The following MCTS1 variants were observed in gnomAD, a reference collection of about 807,000 sequenced individuals.
MCTS1 encodes the protein malignant T-cell-amplified sequence 1.
For synonymous variants in MCTS1, 26 were observed against 40.8 expected (o/e 0.64, Z 1.38); for missense variants, 55 against 128.6 (o/e 0.43, Z 2.77).
intron 2 of MCTS1, 94 bp downstream of exon 2, chrX:120,605,653 A>G (rs554502543): frequency 2.3e-6 from 2 of 865,996 alleles, no homozygotes. Context: ...TTTCAGATTA[A>G]CTATTGATAG....
chrX:120,606,252 A>G (rs1223664035), intron 3 of MCTS1, 76 bp downstream of exon 3: 1 of 567,718 alleles, frequency 1.8e-6, no homozygotes, highest in African/African-American at 2.4e-5. Flanking sequence ...TGTAAGAAAT[A>G]TGCATTTAAT....
intron 4 of MCTS1, 100 bp from the exon 5 acceptor site, chrX:120,610,911 G>C (rs1926670634): frequency 1.1e-6 from 1 of 881,236 alleles, no homozygotes; most frequent in African/African-American, 1.9e-5. Flanking sequence ...GGGGTTCCAA[G>C]TGGCTTAACT....
intron 4 of MCTS1, 32 bp from the exon 5 acceptor site, chrX:120,610,979 G>A (rs752309654): frequency 3.3e-6 from 4 of 1,201,822 alleles, no homozygotes; most frequent in Non-Finnish European, 4.5e-6. Context: ...AAGGCATTTT[G>A]ATAAATAGTT....
Position 120,614,477 on chromosome X carries a change from A to T in MCTS1, c.*2213A>T, listed in dbSNP as rs1038985382. 1.8e-5 allele frequency among the ~76,000 whole-genome samples: 2 copies of T among 111,802 alleles called. No individual in the cohort carries two copies. The highest frequency in any genetic ancestry group is 3.8e-5 in the Non-Finnish European group (2 of 53,168). On this transcript the variant is annotated 3_prime_UTR_variant, in exon 6 of 6. Transcript: ENST00000371317. ...TATTTTATTTCCTATATCCTTTTCA[A>T]GTTCCATGTAGTTTTCCTTATGTTA...
At chrX:120,605,376 C>T (rs1360436580) in intron 1 of MCTS1, 31 bp from the exon 2 acceptor site, 2 of 1,142,601 alleles carry the variant, frequency 1.8e-6, no homozygotes, top group Non-Finnish European at 2.3e-6. Flanking sequence ...TTAGAAATGC[C>T]TTTTCTTTTC....
At chrX:120,604,937 A>T in intron 1 of MCTS1, 1 of 1,065,410 alleles carries the variant, frequency 9.4e-7, no homozygotes, top group Non-Finnish European at 1.2e-6. Flanking sequence ...ATCATCACTT[A>T]AAAAAAATCT....
rs1217318329 is a variant in MCTS1 at position 120,615,112 on chromosome X, T to C, written c.*2848T>C. Among the ~76,000 whole-genome samples, 4 of 112,083 alleles carry C rather than the reference T, an allele frequency of 3.6e-5. No individual in the cohort carries two copies. Among genetic ancestry groups the C allele is most frequent in the Non-Finnish European group, 7.5e-5 (4 of 53,254 alleles). On this transcript the variant is annotated 3_prime_UTR_variant, in exon 6 of 6. Transcript: ENST00000371317. ...TACATGTGTGATCCTTGTCATTTTC[T>C]AAACATTAGGTCATACATGAAAGGC...
chrX:120,618,770 A>T lies in MCTS1; in HGVS notation c.*6506A>T, dbSNP rs1926929290. ...TCCTGCATTTATTTTGTGTTTCACA[A>T]GGTTAAAATTTTGTATTTTGTAAAG... On this transcript the variant is annotated 3_prime_UTR_variant, in exon 6 of 6. Coordinates refer to ENST00000371317, the MANE Select transcript of MCTS1 (RefSeq NM_014060.3). 8.9e-6 allele frequency among the ~76,000 whole-genome samples: 1 copy of T among 112,510 alleles called. No homozygotes were observed.
chrX:120,606,710 C>T (rs776859723), intron 3 of MCTS1, among the ~76,000 whole-genome samples: 30 of 102,042 alleles, frequency 2.9e-4, no homozygotes, highest in African/African-American at 6.9e-4. Flanking sequence ...CTTCAACCCG[C>T]GAGGCGGAGG....
At chrX:120,611,138 T>G (rs1041069888) in intron 5 of MCTS1, 60 bp downstream of exon 5, 2 of 1,052,043 alleles carry the variant, frequency 1.9e-6, no homozygotes. Flanking sequence ...CCAGGAAGCA[T>G]CAGAATTACA....
intron 2 of MCTS1, 51 bp from the exon 3 acceptor site, chrX:120,606,028 A>T (rs753698302): frequency 2.4e-6 from 2 of 820,925 alleles, no homozygotes; most frequent in Non-Finnish European, 3.4e-6. Flanking sequence ...TATATTGTGA[A>T]TTTTTGAAAG....
chrX:120,605,957 AT>A (rs1926520009), intron 2 of MCTS1, 121 bp from the exon 3 acceptor site: 11 of 409,581 alleles, frequency 2.7e-5, no homozygotes. Context: ...TGTAAACAAT[AT>A]TTTTTGGCCA....
chrX:120,604,401 C>T, intron 1 of MCTS1, 154 bp downstream of exon 1: 1 of 701,537 alleles, frequency 1.4e-6, no homozygotes. Flanking sequence ...TCACTCCCAA[C>T]TTGAACACTT....
intron 1 of MCTS1, 85 bp downstream of exon 1, chrX:120,604,332 TTCTC>T (rs1452778928): frequency 8.9e-6 from 10 of 1,128,349 alleles, no homozygotes; most frequent in South Asian, 3.8e-5. Context: ...AAGATCCTCT[TTCTC>T]TCTCCCCCGC....
chrX:120,604,744 A>G, intron 1 of MCTS1: 1 of 1,048,821 alleles, frequency 9.5e-7, no homozygotes, highest in South Asian at 3.0e-5. Flanking sequence ...TGCCTTGAAA[A>G]TAACGATTGC....
At chrX:120,606,263 C>A in intron 3 of MCTS1, 87 bp downstream of exon 3, 1 of 479,308 alleles carries the variant, frequency 2.1e-6, no homozygotes, top group Non-Finnish European at 3.3e-6. Flanking sequence ...TGCATTTAAT[C>A]AGATAAGACA....
chrX:120,608,209 A>G lies in MCTS1; in HGVS notation c.263-16A>G. On this transcript the variant is annotated splice_polypyrimidine_tract_variant and intron_variant, in intron 3 of 5. Transcript: ENST00000371317. ...ATTAGTCTTATTATTAATATATTGT[A>G]TATCTTTTCTTACAGATCCTTTTAT... 8.6e-7 allele frequency: 1 copy of G among 1,163,799 alleles called. No individual in the cohort carries two copies. Among genetic ancestry groups the G allele is most frequent in the Non-Finnish European group, 1.2e-6 (1 of 861,490 alleles).
chrX:120,611,276 A>G, intron 5 of MCTS1, 198 bp downstream of exon 5: 1 of 379,011 alleles, frequency 2.6e-6, no homozygotes, highest in Non-Finnish European at 4.6e-6. Context: ...AGTCTTTCTT[A>G]AGCACTGAAA....
At chrX:120,604,737 C>T in intron 1 of MCTS1, 1 of 1,047,681 alleles carries the variant, frequency 9.5e-7, no homozygotes, top group African/African-American at 1.9e-5. Flanking sequence ...TTAACCTTGC[C>T]TTGAAAATAA....
Sources: allele counts gnomAD v4.1 joint callset (sites outside exome capture counted in the v4.1 genomes callset), GRCh38; gene constraint gnomAD v4.1.1; transcripts MANE v1.5; gene names NCBI Gene and HGNC (gene_info 2026-07-23, HGNC 2026-07-21).